The following ASIC2 variants were observed in gnomAD, a reference collection of about 807,000 sequenced individuals.
The protein encoded by ASIC2 is acid sensing ion channel subunit 2, also known as acid-sensing ion channel 2.
Under a neutral mutation model 57.3 loss-of-function variants are expected in ASIC2, and 25 were observed. The observed-to-expected ratio is 0.44, with a 90% CI of 0.32 to 0.61. The LOEUF (loss-of-function observed/expected upper bound fraction) is 0.61. Among genes scored for constraint, ASIC2 ranks in the 20% least tolerant of loss-of-function variants. The probability of loss-of-function intolerance (pLI) is 0.06; values close to 1 mark genes in which losing one functional copy is unlikely to be tolerated. For synonymous variants in ASIC2, 319 were observed against 307.5 expected, an observed-to-expected ratio of 1.04 and a Z score of -0.39; for missense variants, 641 against 738.1, an observed-to-expected ratio of 0.87 and a Z score of 1.52.
At chr17:33,791,245 T>A (rs1490345181) in intron 1 of ASIC2, among the ~76,000 whole-genome samples, 3 of 152,134 alleles carry the variant, frequency 2.0e-5, no homozygotes, top group African/African-American at 7.2e-5. Flanking sequence ...AGAATCCTCA[T>A]AAACAGAACA....
At chr17:34,146,273 G>C (rs1912415032) in intron 1 of ASIC2, among the ~76,000 whole-genome samples, 1 of 152,020 alleles carries the variant, frequency 6.6e-6, no homozygotes, top group African/African-American at 2.4e-5. Flanking sequence ...AAAGATTTTT[G>C]AAAAAGGTAT....
intron 1 of ASIC2, among the ~76,000 whole-genome samples, chr17:33,411,666 G>A (rs1346100139): frequency 6.6e-6 from 1 of 152,192 alleles, no homozygotes; most frequent in Non-Finnish European, 1.5e-5. Flanking sequence ...AAGAACCAGA[G>A]GGGCAATAGG....
At chr17:33,256,229 T>C (rs1418864736) in intron 1 of ASIC2, among the ~76,000 whole-genome samples, 4 of 152,198 alleles carry the variant, frequency 2.6e-5, no homozygotes, top group Non-Finnish European at 2.9e-5. Context: ...TGAGCCTATA[T>C]AAGGGCTTGT....
chr17:33,180,960 T>G (rs1055816601), intron 1 of ASIC2, among the ~76,000 whole-genome samples: 1 of 152,196 alleles, frequency 6.6e-6, no homozygotes. Flanking sequence ...CTTCACATTT[T>G]GATCATCTCC....
At chr17:33,646,498 G>A (rs773198417) in intron 1 of ASIC2, among the ~76,000 whole-genome samples, 45 of 152,278 alleles carry the variant, frequency 3.0e-4, no homozygotes, top group Middle Eastern at 6.8e-3. Flanking sequence ...AGGGGAAGAC[G>A]AGTGTGCTCT....
At chr17:33,064,186 T>G (rs1236776767) in intron 3 of ASIC2, among the ~76,000 whole-genome samples, 8 of 152,230 alleles carry the variant, frequency 5.3e-5, no homozygotes, top group Non-Finnish European at 1.0e-4. Flanking sequence ...CATCGAGCTT[T>G]GTTCCGTTGA....
At chr17:34,038,966 C>T (rs868153170) in intron 1 of ASIC2, 8 of 1,613,938 alleles carry the variant, frequency 5.0e-6, no homozygotes, top group Admixed American at 3.3e-5. Flanking sequence ...GGCTCCGTGT[C>T]GGACGTAGTA....
chr17:33,844,806 T>C (rs1217801089), intron 1 of ASIC2, among the ~76,000 whole-genome samples: 2 of 152,266 alleles, frequency 1.3e-5, no homozygotes, highest in Non-Finnish European at 2.9e-5. Context: ...CCAATATTTA[T>C]TGAATACTTA....
In ASIC2 at chr17:34,099,706, AAAAG is replaced by A. The variant is rs1207377497; in HGVS notation, c.555+56268_555+56271del. On this transcript the variant is annotated intron_variant, in intron 1 of 9. Coordinates refer to the ASIC2 transcript ENST00000359872. ...AAAAGAAAGAGAAGAAAGAAAGGAA[AAAAG>A]AAAGAAAGAAAGAAGGAAAGAAGGA... 2.0e-3 allele frequency among the ~76,000 whole-genome samples: 300 copies of A among 148,624 alleles called. 2 individuals carry two copies. The highest frequency in any genetic ancestry group is 5.3e-3 in the African/African-American group (214 of 40,076).
At chr17:33,569,920 C>T (rs934485386) in intron 1 of ASIC2, among the ~76,000 whole-genome samples, 1 of 152,170 alleles carries the variant, frequency 6.6e-6, no homozygotes, top group South Asian at 2.1e-4. Flanking sequence ...TATATGAACC[C>T]TTCCTTAGCT....
At chr17:33,204,527 G>T (rs1324656951) in intron 1 of ASIC2, among the ~76,000 whole-genome samples, 1 of 152,116 alleles carries the variant, frequency 6.6e-6, no homozygotes, top group Non-Finnish European at 1.5e-5. Flanking sequence ...TTGAGGGCTC[G>T]CCTGTCCCAC....
At chr17:33,599,104 A>G (rs973556877) in intron 1 of ASIC2, among the ~76,000 whole-genome samples, 1 of 152,218 alleles carries the variant, frequency 6.6e-6, no homozygotes, top group African/African-American at 2.4e-5. Flanking sequence ...TGATATCTGC[A>G]CTGTTTACTT....
At chr17:34,037,631 G>T in intron 1 of ASIC2, 1 of 1,602,690 alleles carries the variant, frequency 6.2e-7, no homozygotes, top group Non-Finnish European at 8.5e-7. Flanking sequence ...TCAATTAGAA[G>T]AACTGTTATT....
At chr17:33,268,316 C>A (rs1909550540) in intron 1 of ASIC2, among the ~76,000 whole-genome samples, 1 of 151,746 alleles carries the variant, frequency 6.6e-6, no homozygotes, top group Admixed American at 6.6e-5. Context: ...ATCATTTATC[C>A]ACCCATCATC....
intron 1 of ASIC2, among the ~76,000 whole-genome samples, chr17:33,904,349 A>G (rs1034975458): frequency 5.9e-5 from 9 of 152,054 alleles, no homozygotes; most frequent in African/African-American, 2.2e-4. Flanking sequence ...CAAGATCCCT[A>G]CATGGTTTGT....
intron 1 of ASIC2, among the ~76,000 whole-genome samples, chr17:33,833,767 CT>C (rs1206627615): frequency 6.6e-6 from 1 of 152,128 alleles, no homozygotes; most frequent in Non-Finnish European, 1.5e-5. Flanking sequence ...TTAAAATAAT[CT>C]ATTGCAGCTG....
intron 7 of ASIC2, 104 bp from the exon 8 acceptor site, chr17:33,017,788 T>C (rs1398840290): frequency 1.1e-5 from 11 of 1,010,570 alleles, no homozygotes; most frequent in African/African-American, 3.2e-5. Flanking sequence ...GCCCCCTCCA[T>C]GGGGAGCCTG....
intron 1 of ASIC2, among the ~76,000 whole-genome samples, chr17:33,202,302 T>A (rs1427251635): frequency 6.6e-6 from 1 of 152,180 alleles, no homozygotes; most frequent in African/African-American, 2.4e-5. Flanking sequence ...GCGGGTTCAT[T>A]ATGCGTGATG....
chr17:33,186,707 A>G (rs1906211097), intron 1 of ASIC2, among the ~76,000 whole-genome samples: 1 of 152,190 alleles, frequency 6.6e-6, no homozygotes, highest in African/African-American at 2.4e-5. Flanking sequence ...GGCCATCGGA[A>G]GTTGATCATC....
Sources: gnomAD v4.1 joint callset for allele counts (sites outside exome capture counted in the v4.1 genomes callset) on GRCh38, gnomAD v4.1.1 for gene constraint, MANE v1.5 for transcripts, NCBI Gene and HGNC (gene_info 2026-07-23, HGNC 2026-07-21) for gene names.